The following SH3RF3 variants were observed in gnomAD, a reference collection of about 807,000 sequenced individuals.
SH3RF3 encodes SH3 domain containing ring finger 3.
A neutral mutation model predicts 66.3 loss-of-function variants in SH3RF3; 29 were observed. The ratio of observed to expected loss-of-function variants is 0.44; its 90% CI spans 0.33 to 0.60. The LOEUF (loss-of-function observed/expected upper bound fraction) is 0.60, where lower values mean the gene tolerates loss of function less well. Ranked by LOEUF, SH3RF3 falls within the 20% of genes least tolerant of loss-of-function variation. The pLI, the probability that SH3RF3 is intolerant of heterozygous loss-of-function variation, is 0.04. For missense variants in SH3RF3, 1,194 were observed against 1,190.9 expected, an observed-to-expected ratio of 1.00 and a Z score of -0.04; for synonymous variants, 583 against 532.0, an observed-to-expected ratio of 1.10 and a Z score of -1.32.
At chr2:109,170,911 C>A (rs993722306) in intron 1 of SH3RF3, among the ~76,000 whole-genome samples, 2 of 152,192 alleles carry the variant, frequency 1.3e-5, no homozygotes, top group Admixed American at 1.3e-4. Flanking sequence ...TAAATCACCT[C>A]ACTAAGCAGC....
In SH3RF3 at chr2:109,398,843, C is replaced by G; in HGVS notation, c.1199C>G (p.Ser400Cys). 1 of 1,613,952 alleles carries G rather than the reference C, an allele frequency of 6.2e-7. No individual in the cohort carries two copies. The highest frequency in any genetic ancestry group is 8.5e-7 in the Non-Finnish European group (1 of 1,179,890). ...RSSQAASHRH[S>C]MEISAPVLIS... ...TCCCAGGCTGCCAGCCACAGGCATT[C>G]CATGGAAATTAGTGCTCCAGTGTTG... Residue 400 changes from serine to cysteine, a missense_variant, in exon 4 of 10, where the codon TCC becomes TGC. Transcript: ENST00000309415.
intron 1 of SH3RF3, among the ~76,000 whole-genome samples, chr2:109,232,188 A>G (rs540841783): frequency 9.8e-5 from 15 of 152,318 alleles, no homozygotes; most frequent in African/African-American, 3.6e-4. Context: ...CATTTAAGGA[A>G]CTTCCAGGCT....
intron 1 of SH3RF3, among the ~76,000 whole-genome samples, chr2:109,334,003 G>A (rs1479386269): frequency 1.3e-5 from 2 of 152,156 alleles, no homozygotes; most frequent in African/African-American, 4.8e-5. Context: ...GAAGTGGGCA[G>A]GTTTCTAAGA....
intron 1 of SH3RF3, among the ~76,000 whole-genome samples, chr2:109,285,844 C>T (rs532014793): frequency 1.4e-4 from 21 of 152,344 alleles, no homozygotes; most frequent in Admixed American, 6.5e-4. Context: ...ACTGCCTCTG[C>T]GTGGCTCCAA....
At chr2:109,229,855 C>T (rs1419622469) in intron 1 of SH3RF3, among the ~76,000 whole-genome samples, 5 of 143,534 alleles carry the variant, frequency 3.5e-5, no homozygotes, top group South Asian at 2.2e-4. Flanking sequence ...GGCGGAGTCT[C>T]GCTCTGTTGC....
chr2:109,249,743 G>T (rs191951841), intron 1 of SH3RF3, among the ~76,000 whole-genome samples: 4 of 151,716 alleles, frequency 2.6e-5, no homozygotes, highest in Non-Finnish European at 5.9e-5. Flanking sequence ...CGCAAGCTCC[G>T]CCTTCCAGGT....
intron 8 of SH3RF3, among the ~76,000 whole-genome samples, chr2:109,465,342 G>A (rs13391558): frequency 0.078 from 11,820 of 152,246 alleles, 1,426 homozygotes; most frequent in African/African-American, 0.26. Flanking sequence ...GGAGATTTTA[G>A]GAGTATGTAA....
intron 8 of SH3RF3, among the ~76,000 whole-genome samples, chr2:109,472,926 A>G (rs913899023): frequency 1.3e-5 from 2 of 152,148 alleles, no homozygotes; most frequent in Admixed American, 1.3e-4. Flanking sequence ...CCTTTGGCCT[A>G]ATCTCCTTTG....
intron 7 of SH3RF3, among the ~76,000 whole-genome samples, chr2:109,443,544 A>C (rs1677629987): frequency 6.6e-6 from 1 of 152,258 alleles, no homozygotes; most frequent in African/African-American, 2.4e-5. Flanking sequence ...CAAATACAGA[A>C]TCTGCCAATA....
intron 1 of SH3RF3, among the ~76,000 whole-genome samples, chr2:109,159,338 C>T (rs1438300656): frequency 6.6e-6 from 1 of 152,212 alleles, no homozygotes; most frequent in African/African-American, 2.4e-5. Flanking sequence ...GAGGGTGCTG[C>T]CTGCCCTGCC....
intron 9 of SH3RF3, among the ~76,000 whole-genome samples, chr2:109,491,766 G>GT (rs1679136496): frequency 6.6e-6 from 1 of 152,188 alleles, no homozygotes; most frequent in African/African-American, 2.4e-5. Flanking sequence ...CCTACACATT[G>GT]TAACATTGCT....
At chr2:109,212,440 C>G (rs1444852934) in intron 1 of SH3RF3, among the ~76,000 whole-genome samples, 1 of 152,166 alleles carries the variant, frequency 6.6e-6, no homozygotes, top group East Asian at 1.9e-4. Flanking sequence ...AAAAACAATA[C>G]AAAAGTCTCA....
intron 1 of SH3RF3, among the ~76,000 whole-genome samples, chr2:109,154,760 A>G (rs184058291): frequency 9.8e-5 from 15 of 152,286 alleles, no homozygotes; most frequent in African/African-American, 3.6e-4. Context: ...ATCCCTTAGA[A>G]GTCTCAGAGT....
intron 4 of SH3RF3, among the ~76,000 whole-genome samples, chr2:109,409,261 TCTC>T (rs1373055211): frequency 3.9e-5 from 6 of 152,174 alleles, no homozygotes; most frequent in African/African-American, 1.4e-4. Flanking sequence ...AGGTTCATCT[TCTC>T]ATCATAGACA....
chr2:109,500,285 G>A (rs1277145254), intron 9 of SH3RF3, among the ~76,000 whole-genome samples: 7 of 152,174 alleles, frequency 4.6e-5, no homozygotes, highest in East Asian at 1.9e-4. Context: ...GAGTGTGGTC[G>A]AGGAGAGAAC....
chr2:109,286,747 T>C (rs1035753897), intron 1 of SH3RF3, among the ~76,000 whole-genome samples: 2 of 152,206 alleles, frequency 1.3e-5, no homozygotes, highest in African/African-American at 4.8e-5. Context: ...GTGTTGGGTT[T>C]CCCTACAGAG....
intron 2 of SH3RF3, among the ~76,000 whole-genome samples, chr2:109,366,131 T>C (rs1175135559): frequency 6.6e-6 from 1 of 152,240 alleles, no homozygotes; most frequent in African/African-American, 2.4e-5. Flanking sequence ...AGTTATCCAT[T>C]CTTTAAATTT....
chr2:109,273,917 T>C (rs1005732479), intron 1 of SH3RF3, among the ~76,000 whole-genome samples: 3 of 152,158 alleles, frequency 2.0e-5, no homozygotes, highest in African/African-American at 7.2e-5. Context: ...GTGGTAGGAC[T>C]GGGTTTGGTG....
chr2:109,199,997 G>A (rs1678629738), intron 1 of SH3RF3, among the ~76,000 whole-genome samples: 1 of 152,024 alleles, frequency 6.6e-6, no homozygotes, highest in South Asian at 2.1e-4. Context: ...CAGCTAAGGT[G>A]GGGTGGGTGC....
Sources: allele counts gnomAD v4.1 joint callset (sites outside exome capture counted in the v4.1 genomes callset), GRCh38; gene constraint gnomAD v4.1.1; transcripts MANE v1.5; gene names NCBI Gene and HGNC (gene_info 2026-07-23, HGNC 2026-07-21).